The following METTL24 variants were observed in gnomAD, a reference collection of about 807,000 sequenced individuals.
METTL24 encodes methyltransferase like 24.
Under a neutral mutation model 32.7 loss-of-function variants are expected in METTL24, and 29 were observed. That is an observed-to-expected ratio of 0.89 (90% CI 0.66 to 1.21). METTL24 has a LOEUF of 1.21. Among genes scored for constraint, METTL24 ranks in the 50% most tolerant of loss-of-function variants. The pLI, the probability that METTL24 is intolerant of heterozygous loss-of-function variation, is 0.00. For synonymous variants in METTL24, 163 were observed against 179.5 expected (o/e 0.91, Z 0.73); for missense variants, 439 against 468.1 (o/e 0.94, Z 0.57).
chr6:110,319,458 T>C (rs9689281), intron 2 of METTL24, among the ~76,000 whole-genome samples: 1 of 148,900 alleles, frequency 6.7e-6, no homozygotes, highest in African/African-American at 2.6e-5. Context: ...GATAGATAGA[T>C]AGATGACAGA....
At chr6:110,250,198 A>C (rs1277307592) in intron 4 of METTL24, among the ~76,000 whole-genome samples, 1 of 151,990 alleles carries the variant, frequency 6.6e-6, no homozygotes, top group Non-Finnish European at 1.5e-5. Context: ...GTTGTCTCAC[A>C]GTTGTGAAGA....
At chr6:110,301,565 C>T (rs939969231) in intron 3 of METTL24, among the ~76,000 whole-genome samples, 8 of 152,126 alleles carry the variant, frequency 5.3e-5, no homozygotes, top group Admixed American at 1.3e-4. Context: ...GCCAGTCCAC[C>T]GGCCCTCTGT....
At chr6:110,288,893 C>A (rs1273691504) in intron 4 of METTL24, among the ~76,000 whole-genome samples, 1 of 152,164 alleles carries the variant, frequency 6.6e-6, no homozygotes, top group Non-Finnish European at 1.5e-5. Flanking sequence ...GAGTGGAACT[C>A]CTTGGCTGCA....
intron 4 of METTL24, among the ~76,000 whole-genome samples, chr6:110,286,612 T>C (rs1030351149): frequency 2.0e-5 from 3 of 152,224 alleles, no homozygotes; most frequent in African/African-American, 7.2e-5. Flanking sequence ...TCATGGCTTC[T>C]GCCCAGGGAA....
chr6:110,354,614 A>G (rs1486100764), intron 1 of METTL24, among the ~76,000 whole-genome samples: 4 of 152,254 alleles, frequency 2.6e-5, no homozygotes, highest in African/African-American at 7.2e-5. Flanking sequence ...CAATTACTTA[A>G]TGGTACATTC....
chr6:110,351,111 TG>T (rs1315656973), intron 1 of METTL24, among the ~76,000 whole-genome samples: 1 of 151,904 alleles, frequency 6.6e-6, no homozygotes, highest in Non-Finnish European at 1.5e-5. Context: ...ACCAGTTACT[TG>T]GGAGGCCTGA....
intron 4 of METTL24, among the ~76,000 whole-genome samples, chr6:110,267,798 G>T (rs527951336): frequency 2.0e-5 from 3 of 152,148 alleles, no homozygotes; most frequent in Non-Finnish European, 4.4e-5. Context: ...TGTGAGGGCT[G>T]CAGGAAACTT....
At chr6:110,316,318 G>T (rs1037112328) in intron 2 of METTL24, among the ~76,000 whole-genome samples, 1 of 152,182 alleles carries the variant, frequency 6.6e-6, no homozygotes, top group Admixed American at 6.5e-5. Flanking sequence ...CTTCATAAGG[G>T]ATTCTGACTT....
At chr6:110,338,627 G>A (rs1772287542) in intron 1 of METTL24, among the ~76,000 whole-genome samples, 1 of 152,204 alleles carries the variant, frequency 6.6e-6, no homozygotes, top group African/African-American at 2.4e-5. Context: ...AAACTACAAG[G>A]AAGCATTTTT....
intron 4 of METTL24, among the ~76,000 whole-genome samples, chr6:110,278,228 C>T (rs1340021774): frequency 6.6e-6 from 1 of 152,136 alleles, no homozygotes; most frequent in African/African-American, 2.4e-5. Flanking sequence ...ATTCTGAATG[C>T]TACCTCTCCT....
At chr6:110,271,739 A>G (rs191326171) in intron 4 of METTL24, among the ~76,000 whole-genome samples, 164 of 152,344 alleles carry the variant, frequency 1.1e-3, no homozygotes, top group Non-Finnish European at 1.1e-3. Context: ...TTATAAATGC[A>G]CAGTTCATAG....
At chr6:110,355,567 T>C (rs1330302480) in intron 1 of METTL24, among the ~76,000 whole-genome samples, 1 of 152,152 alleles carries the variant, frequency 6.6e-6, no homozygotes, top group Admixed American at 6.5e-5. Flanking sequence ...CCACATACGA[T>C]CTCTCAGTTT....
At chr6:110,297,314 A>G (rs1450009490) in intron 4 of METTL24, among the ~76,000 whole-genome samples, 2 of 152,232 alleles carry the variant, frequency 1.3e-5, no homozygotes, top group African/African-American at 4.8e-5. Context: ...ATACCTTGTT[A>G]TCTAAAATTA....
intron 3 of METTL24, among the ~76,000 whole-genome samples, chr6:110,313,488 C>T (rs1470032198): frequency 6.6e-6 from 1 of 152,176 alleles, no homozygotes; most frequent in Non-Finnish European, 1.5e-5. Context: ...AATTTAGAAA[C>T]TTTCCCCCCA....
rs1772367103 is a variant in METTL24 at position 110,341,932 on chromosome 6, C to T, written c.318+16023G>A. ...TGCTGTTCCCTTTTTAACGCAAAAGCCCTCCAAAATGCATAGGATGCTTCT... is the reference window on the plus strand; with the variant it reads ...TGCTGTTCCCTTTTTAACGCAAAAGTCCTCCAAAATGCATAGGATGCTTCT... On this transcript the variant is annotated intron_variant, in intron 1 of 4. Coordinates refer to ENST00000338882, the MANE Select transcript of METTL24 (RefSeq NM_001123364.3). Among the ~76,000 whole-genome samples, 3 of 152,162 alleles carry T rather than the reference C, an allele frequency of 2.0e-5. No homozygotes were observed. The South Asian group carries it at 6.2e-4, about 32-fold the overall frequency.
At chr6:110,279,493 G>C (rs147684670) in intron 4 of METTL24, among the ~76,000 whole-genome samples, 1 of 152,282 alleles carries the variant, frequency 6.6e-6, no homozygotes, top group East Asian at 1.9e-4. Flanking sequence ...AAAGCCTTAA[G>C]ACTGTACCGT....
chr6:110,331,969 G>GCTCT (rs1258525817), intron 1 of METTL24, among the ~76,000 whole-genome samples: 1 of 151,886 alleles, frequency 6.6e-6, no homozygotes, highest in Non-Finnish European at 1.5e-5. Flanking sequence ...TCAAGACCCA[G>GCTCT]CTCTCTCTCT....
intron 3 of METTL24, among the ~76,000 whole-genome samples, chr6:110,309,842 G>A (rs7761025): frequency 0.035 from 5,129 of 147,890 alleles, 193 homozygotes; most frequent in East Asian, 0.12. Context: ...TCCCAAAGGG[G>A]TAAAATGTAT....
At chr6:110,357,886 C>T in intron 1 of METTL24, 69 bp downstream of exon 1, 2 of 946,106 alleles carry the variant, frequency 2.1e-6, no homozygotes, top group Non-Finnish European at 2.7e-6. Context: ...ACCTGAGCGC[C>T]GGGCTCCGTA....
Sources: gnomAD v4.1 joint callset for allele counts (sites outside exome capture counted in the v4.1 genomes callset) on GRCh38, gnomAD v4.1.1 for gene constraint, MANE v1.5 for transcripts, NCBI Gene and HGNC (gene_info 2026-07-23, HGNC 2026-07-21) for gene names.